C3orf70: variants seen among roughly 807,000 people sequenced by gnomAD.
C3orf70 encodes the protein UPF0524 protein C3orf70.
In C3orf70, 15 loss-of-function variants were observed where a neutral mutation model predicts 20.7. The ratio of observed to expected loss-of-function variants is 0.72; its 90% CI spans 0.48 to 1.11. The LOEUF (loss-of-function observed/expected upper bound fraction) is 1.11, where lower values mean the gene tolerates loss of function less well. Ranked by LOEUF, C3orf70 falls within the 50% of genes most tolerant of loss-of-function variation. C3orf70 has a pLI of 0.00. For synonymous variants in C3orf70, 161 were observed against 125.7 expected (o/e 1.28, Z -1.88); for missense variants, 332 against 317.6 (o/e 1.05, Z -0.34).
At chr3:185,099,932 C>T (rs1715787235) in intron 1 of C3orf70, among the ~76,000 whole-genome samples, 1 of 152,174 alleles carries the variant, frequency 6.6e-6, no homozygotes, top group African/African-American at 2.4e-5. Flanking sequence ...ATAAAACACC[C>T]TTTCAACCAA....
chr3:185,077,089 T>A lies in C3orf70; in HGVS notation c.*5918A>T, dbSNP rs1189662586. Among the ~76,000 whole-genome samples the A allele has an allele frequency of 6.6e-6, 1 of 151,742 alleles. No individual in the cohort carries two copies. The highest frequency in any genetic ancestry group is 1.5e-5 in the Non-Finnish European group (1 of 67,982). ...AAACATGGAAGAAGCAATGGCCTCATCAGAGCATAGAGATATTTGCAGAGA... is the reference window on the plus strand; with the variant it reads ...AAACATGGAAGAAGCAATGGCCTCAACAGAGCATAGAGATATTTGCAGAGA... On this transcript the variant is annotated 3_prime_UTR_variant, in exon 2 of 2. Transcript: ENST00000335012.
intron 1 of C3orf70, among the ~76,000 whole-genome samples, chr3:185,146,354 C>T (rs571184198): frequency 3.9e-4 from 50 of 128,578 alleles, no homozygotes; most frequent in Middle Eastern, 6.0e-3. Context: ...ATGGCGCGAT[C>T]TTGGCTCGCT....
intron 1 of C3orf70, among the ~76,000 whole-genome samples, chr3:185,131,632 A>T (rs958551893): frequency 1.3e-5 from 2 of 152,214 alleles, no homozygotes; most frequent in African/African-American, 4.8e-5. Context: ...GAAATGCTAG[A>T]AAAAAATTGT....
At chr3:185,121,414 C>CT (rs1716294776) in intron 1 of C3orf70, among the ~76,000 whole-genome samples, 1 of 150,870 alleles carries the variant, frequency 6.6e-6, no homozygotes, top group South Asian at 2.1e-4. Flanking sequence ...AGAGCCTACT[C>CT]TAGATAGCAT....
chr3:185,122,828 A>G (rs1716330341), intron 1 of C3orf70, among the ~76,000 whole-genome samples: 1 of 151,956 alleles, frequency 6.6e-6, no homozygotes, highest in Admixed American at 6.6e-5. Flanking sequence ...GAGAGCTGAG[A>G]AAGGCTTTTC....
intron 1 of C3orf70, among the ~76,000 whole-genome samples, chr3:185,151,539 G>C (rs950509830): frequency 1.3e-4 from 20 of 152,164 alleles, no homozygotes; most frequent in Admixed American, 1.3e-3. Flanking sequence ...ACTGTTCTAT[G>C]TGCCTGGAAT....
chr3:185,095,367 T>C (rs1715679840), intron 1 of C3orf70, among the ~76,000 whole-genome samples: 1 of 152,214 alleles, frequency 6.6e-6, no homozygotes, highest in Non-Finnish European at 1.5e-5. Context: ...TTTCCTGCCA[T>C]TGCTCTAGCA....
At chr3:185,091,963 A>AT (rs146504613) in intron 1 of C3orf70, among the ~76,000 whole-genome samples, 6 of 15,764 alleles carry the variant, frequency 3.8e-4, no homozygotes, top group Non-Finnish European at 6.6e-4. Flanking sequence ...ATATATATAT[A>AT]TTTTTTTTTT....
intron 1 of C3orf70, among the ~76,000 whole-genome samples, chr3:185,090,590 G>A (rs904953168): frequency 5.9e-5 from 9 of 152,064 alleles, no homozygotes; most frequent in African/African-American, 2.2e-4. Context: ...GCACAGTTCA[G>A]TTCTTTGACT....
intron 1 of C3orf70, among the ~76,000 whole-genome samples, chr3:185,083,767 A>G (rs1233108254): frequency 6.6e-6 from 1 of 152,212 alleles, no homozygotes; most frequent in Non-Finnish European, 1.5e-5. Flanking sequence ...GACTCAATCG[A>G]CTTTCTAAAT....
intron 1 of C3orf70, among the ~76,000 whole-genome samples, chr3:185,126,601 G>A (rs1321591025): frequency 1.3e-5 from 2 of 152,158 alleles, no homozygotes; most frequent in Non-Finnish European, 2.9e-5. Flanking sequence ...CGACTTCCAC[G>A]TTTTAATTCG....
intron 1 of C3orf70, among the ~76,000 whole-genome samples, chr3:185,093,200 A>C (rs1715630907): frequency 6.6e-6 from 1 of 152,212 alleles, no homozygotes; most frequent in Admixed American, 6.5e-5. Flanking sequence ...ACCACCAAGC[A>C]ACCTGTACAG....
intron 1 of C3orf70, among the ~76,000 whole-genome samples, chr3:185,139,093 C>A (rs894045548): frequency 5.4e-5 from 8 of 148,488 alleles, no homozygotes; most frequent in African/African-American, 2.0e-4. Flanking sequence ...CAGTGAGACC[C>A]TGTCTCAAAA....
At chr3:185,144,159 C>T (rs1304771202) in intron 1 of C3orf70, among the ~76,000 whole-genome samples, 1 of 152,106 alleles carries the variant, frequency 6.6e-6, no homozygotes, top group Non-Finnish European at 1.5e-5. Context: ...AGGGTAGATT[C>T]CAGATTAACC....
chr3:185,099,783 C>T (rs1715784353), intron 1 of C3orf70, among the ~76,000 whole-genome samples: 1 of 152,152 alleles, frequency 6.6e-6, no homozygotes. Flanking sequence ...TGGATAAGAA[C>T]CAAGACCCAT....
At chr3:185,127,590 C>A (rs1308037365) in intron 1 of C3orf70, among the ~76,000 whole-genome samples, 1 of 152,060 alleles carries the variant, frequency 6.6e-6, no homozygotes, top group African/African-American at 2.4e-5. Context: ...CAGGCACATG[C>A]CACCACGCCC....
intron 1 of C3orf70, among the ~76,000 whole-genome samples, chr3:185,121,546 T>G (rs1262029392): frequency 6.6e-6 from 1 of 152,076 alleles, no homozygotes; most frequent in Non-Finnish European, 1.5e-5. Context: ...ATGAGAACAC[T>G]CAACGCAGAG....
At chr3:185,131,157 T>C (rs1561360286) in intron 1 of C3orf70, among the ~76,000 whole-genome samples, 1 of 152,366 alleles carries the variant, frequency 6.6e-6, no homozygotes, top group East Asian at 1.9e-4. Flanking sequence ...CCAGCTGGTG[T>C]GAAGTGGTAT....
chr3:185,095,017 G>T (rs566693124), intron 1 of C3orf70, among the ~76,000 whole-genome samples: 1 of 152,272 alleles, frequency 6.6e-6, no homozygotes, highest in South Asian at 2.1e-4. Flanking sequence ...ATAAATAGGG[G>T]AGTGGCTGAC....
Sources: gnomAD v4.1 joint callset for allele counts (sites outside exome capture counted in the v4.1 genomes callset) on GRCh38, gnomAD v4.1.1 for gene constraint, MANE v1.5 for transcripts, NCBI Gene and HGNC (gene_info 2026-07-23, HGNC 2026-07-21) for gene names.